NBAS: variants seen among roughly 807,000 people sequenced by gnomAD.
The protein encoded by NBAS is NBAS subunit of NRZ tethering complex.
A neutral mutation model predicts 302.5 loss-of-function variants in NBAS; 219 were observed. The ratio of observed to expected loss-of-function variants is 0.72; its 90% CI spans 0.65 to 0.81. NBAS has a LOEUF of 0.81. NBAS is among the 30% of genes least tolerant of loss of function. The pLI, the probability that NBAS is intolerant of heterozygous loss-of-function variation, is 0.00. For missense variants in NBAS, 2,932 were observed against 2,841.6 expected (o/e 1.03, Z -0.72); for synonymous variants, 1,118 against 1,021.6 (o/e 1.09, Z -1.80).
intron 10 of NBAS, among the ~76,000 whole-genome samples, chr2:15,507,636 C>A (rs1288080621): frequency 1.3e-5 from 2 of 152,210 alleles, no homozygotes; most frequent in Non-Finnish European, 2.9e-5. Context: ...CCTTCTGACT[C>A]CACAGCCTGG....
At chr2:15,368,326 A>C (rs1674319756) in intron 31 of NBAS, among the ~76,000 whole-genome samples, 2 of 150,460 alleles carry the variant, frequency 1.3e-5, no homozygotes, top group South Asian at 4.2e-4. Context: ...CAGCCTCCCG[A>C]GTAGCTGGGA....
In NBAS at chr2:15,305,466, T is replaced by C. The variant is rs1233432965; in HGVS notation, c.4797+2750A>G. ...CTCGAGCAGTTTTTTTTTTTTTTTT[T>C]TTTTAGATGGAATTTCACTCTTGTT... is the stretch of plus-strand genomic sequence containing the variant. On this transcript the variant is annotated intron_variant, in intron 40 of 51. Coordinates refer to ENST00000281513, the MANE Select transcript of NBAS (RefSeq NM_015909.4). Among the ~76,000 whole-genome samples, 3 of 151,546 alleles carry C rather than the reference T, an allele frequency of 2.0e-5. No individual in the cohort carries two copies. In the East Asian group the frequency reaches 5.8e-4, roughly 29 times the overall value.
chr2:14,839,089 CA>C, the NBAS span, among the ~76,000 whole-genome samples: 2 of 151,906 alleles, frequency 1.3e-5, no homozygotes, highest in African/African-American at 4.8e-5. Flanking sequence ...CATCACTCCC[CA>C]CCACACAAAA....
Position 15,394,243 on chromosome 2 carries a change from T to C in NBAS, c.3241A>G (p.Arg1081Gly), listed in dbSNP as rs769765777. 6.2e-7 allele frequency: 1 copy of C among 1,610,110 alleles called. No individual in the cohort carries two copies. Among genetic ancestry groups the C allele is most frequent in the African/African-American group, 1.3e-5 (1 of 74,872 alleles). The change falls in exon 28 of 52, where the codon AGG becomes GGG. Residue 1081 changes from arginine to glycine, a missense_variant. Physicochemically the swap from Arg to Gly is moderately radical, Grantham distance 125 (BLOSUM62 -2). Coordinates refer to ENST00000281513, the MANE Select transcript of NBAS (RefSeq NM_015909.4). ...ATTACTCACTTCCGGCCAGTGTGCC[T>C]CGTCAATCTAACCATCAGCTTGCGT... Reference protein sequence around the residue: ...EARKLMVRLTRHTGRKQPPVS... With the variant: ...EARKLMVRLTGHTGRKQPPVS...
intron 33 of NBAS, among the ~76,000 whole-genome samples, chr2:15,356,054 G>A (rs1052137387): frequency 3.3e-5 from 5 of 151,990 alleles, no homozygotes; most frequent in African/African-American, 4.8e-5. Flanking sequence ...TTTAAATTAC[G>A]AGCATGTTTT....
the NBAS span, among the ~76,000 whole-genome samples, chr2:15,034,062 AGGG>A: frequency 1.1e-5 from 1 of 91,268 alleles, no homozygotes; most frequent in African/African-American, 5.1e-5. Flanking sequence ...GAGGAGGAGG[AGGG>A]GAAGGAGAGG....
chr2:14,962,593 A>G, the NBAS span, among the ~76,000 whole-genome samples: 1 of 152,166 alleles, frequency 6.6e-6, no homozygotes, highest in Admixed American at 6.5e-5. Flanking sequence ...CTTTACCAAA[A>G]AAAGCTTATC....
chr2:14,997,574 C>T, the NBAS span, among the ~76,000 whole-genome samples: 3 of 151,934 alleles, frequency 2.0e-5, no homozygotes, highest in Non-Finnish European at 4.4e-5. Flanking sequence ...ATGGTTATCA[C>T]AATCAAGTTT....
chr2:15,498,980 T>G (rs1438546199), intron 11 of NBAS, among the ~76,000 whole-genome samples: 8 of 150,926 alleles, frequency 5.3e-5, no homozygotes, highest in African/African-American at 1.5e-4. Flanking sequence ...CAGGTTGGAA[T>G]GCAGTGGCGC....
At position 15,558,610 on chromosome 2, in the gene NBAS, C is replaced by A. The variant is rs200857890; in HGVS notation, c.142G>T (p.Ala48Ser). 6.8e-6 allele frequency: 11 copies of A among 1,613,002 alleles called. No individual in the cohort carries two copies. The highest frequency in any genetic ancestry group is 6.7e-5 in the African/African-American group (5 of 75,026). The change falls in exon 2 of 52, where the codon GCA becomes TCA. Residue 48 changes from alanine (A) to serine (S), a missense_variant. Ala to Ser is a moderately conservative substitution (Grantham distance 99). Coordinates refer to ENST00000281513, the MANE Select transcript of NBAS (RefSeq NM_015909.4). ...ATTGCTTTCGTGATGATAAAGGATGCACCATGTTTTTGGTTGCCTCTAGGC... is the reference window on the plus strand; with the variant it reads ...ATTGCTTTCGTGATGATAAAGGATGAACCATGTTTTTGGTTGCCTCTAGGC... ...VQPRGNQKHG[A>S]SFIITKAIRD...
intron 35 of NBAS, among the ~76,000 whole-genome samples, chr2:15,341,022 G>A (rs1672823530): frequency 6.6e-6 from 1 of 152,044 alleles, no homozygotes; most frequent in Admixed American, 6.6e-5. Context: ...AGAAATGTAG[G>A]GAACATCTAT....
chr2:15,192,039 C>T (rs924430411), intron 48 of NBAS, among the ~76,000 whole-genome samples: 1 of 152,174 alleles, frequency 6.6e-6, no homozygotes, highest in African/African-American at 2.4e-5. Context: ...CAGTCAAGGC[C>T]TTGTTCAACT....
chr2:15,037,510 A>G, the NBAS span, among the ~76,000 whole-genome samples: 67 of 152,354 alleles, frequency 4.4e-4, no homozygotes, highest in Non-Finnish European at 9.3e-4. Flanking sequence ...GATATATTTT[A>G]TCTGAAACCT....
At chr2:15,313,027 C>A (rs1034999357) in intron 38 of NBAS, among the ~76,000 whole-genome samples, 2 of 152,192 alleles carry the variant, frequency 1.3e-5, no homozygotes, top group Admixed American at 1.3e-4. Context: ...TTTACTCAAG[C>A]ACTCAGTAAT....
the NBAS span, among the ~76,000 whole-genome samples, chr2:15,073,476 CAA>C: frequency 4.6e-5 from 3 of 65,752 alleles, no homozygotes; most frequent in Admixed American, 1.5e-4. Context: ...AACTCCTTCT[CAA>C]AAAAAAAAAA....
chr2:15,445,573 T>C (rs896445654), intron 21 of NBAS, among the ~76,000 whole-genome samples: 3 of 151,276 alleles, frequency 2.0e-5, no homozygotes, highest in Non-Finnish European at 2.9e-5. Flanking sequence ...AGTTGGTGGG[T>C]GCAGCACACC....
chr2:14,825,474 A>G, the NBAS span, among the ~76,000 whole-genome samples: 3 of 152,220 alleles, frequency 2.0e-5, no homozygotes, highest in South Asian at 6.2e-4. Context: ...CTGTAGCCCC[A>G]GTAATTTGCT....
the NBAS span, among the ~76,000 whole-genome samples, chr2:15,127,774 G>C: frequency 5.9e-5 from 9 of 152,126 alleles, no homozygotes; most frequent in Non-Finnish European, 1.3e-4. Flanking sequence ...GTGCTGAAGG[G>C]GAATGGCCTG....
intron 45 of NBAS, among the ~76,000 whole-genome samples, chr2:15,237,834 G>A (rs1667672111): frequency 6.6e-6 from 1 of 151,058 alleles, no homozygotes; most frequent in South Asian, 2.1e-4. Flanking sequence ...GAGTGCAGGG[G>A]CGTGATCTCA....
Sources: allele counts gnomAD v4.1 joint callset (sites outside exome capture counted in the v4.1 genomes callset), GRCh38; gene constraint gnomAD v4.1.1; transcripts MANE v1.5; gene names NCBI Gene and HGNC (gene_info 2026-07-23, HGNC 2026-07-21).